Variants in PDLIM3 observed in about 807,000 individuals in gnomAD.
PDLIM3 encodes the protein PDZ and LIM domain 3, also known as PDZ and LIM domain protein 3.
A neutral mutation model predicts 37.3 loss-of-function variants in PDLIM3; 36 were observed. The ratio of observed to expected loss-of-function variants is 0.97; its 90% CI spans 0.74 to 1.28. The LOEUF is 1.28. PDLIM3 is among the 50% of genes most tolerant of loss of function. PDLIM3 has a pLI of 0.00. For synonymous variants in PDLIM3, 174 were observed against 182.4 expected, an observed-to-expected ratio of 0.95 and a Z score of 0.37; for missense variants, 454 against 485.0, an observed-to-expected ratio of 0.94 and a Z score of 0.60.
In PDLIM3 at chr4:185,514,403, C is replaced by A. The variant is rs1032408854; in HGVS notation, c.331-66G>T. 6.4e-5 allele frequency: 104 copies of A among 1,613,798 alleles called. No individual in the cohort carries two copies. The highest frequency in any genetic ancestry group is 2.5e-5 in the Non-Finnish European group (30 of 1,179,948). On this transcript the variant is annotated intron_variant, in intron 3 of 7. Transcript: ENST00000284767. This position sits in a 1 kb window ranked among gnomAD's most constrained non-coding sequence, Gnocchi z 4.0. ...GGACACTGTTGCAGATAAGATTAAA[C>A]GAACGATAGTTGTACAGGGAGGATC... is the stretch of plus-strand genomic sequence containing the variant.
At chr4:185,526,831 C>T (rs986519880) in intron 1 of PDLIM3, among the ~76,000 whole-genome samples, 4 of 152,184 alleles carry the variant, frequency 2.6e-5, no homozygotes, top group South Asian at 2.1e-4. Context: ...TTACTCTTCA[C>T]TCCTTCTCAA....
intron 6 of PDLIM3, among the ~76,000 whole-genome samples, chr4:185,505,201 G>A (rs956637623): frequency 6.6e-6 from 1 of 152,202 alleles, no homozygotes; most frequent in Non-Finnish European, 1.5e-5. Context: ...TGCGCCGTGT[G>A]TCAGAATTTA....
chr4:185,517,176 C>T (rs1173274562), intron 3 of PDLIM3: 2 of 152,052 alleles, frequency 1.3e-5, no homozygotes, highest in Admixed American at 1.3e-4. Flanking sequence ...GCATGAAAAA[C>T]TAGAAATAAT....
chr4:185,515,462 A>G (rs971406132), intron 3 of PDLIM3: 1 of 152,244 alleles, frequency 6.6e-6, no homozygotes, highest in African/African-American at 2.4e-5. Context: ...ACTTGGATTA[A>G]GCTATAATCT....
Position 185,535,482 on chromosome 4 carries a change from A to G in PDLIM3, c.-48T>C. ...GGCTCTAAGTGTCCCCGCGCAGGGC[A>G]GCCACTCCGCGCCGGGCGGCGTCCT... On this transcript the variant is annotated 5_prime_UTR_variant, in exon 1 of 8. Transcript: ENST00000284767. 6.7e-7 allele frequency: 1 copy of G among 1,488,610 alleles called. No homozygotes were observed. 92.2% of individuals were successfully genotyped at this position (1,488,610 alleles called of 1,614,324 possible). A position where few individuals can be genotyped will look rare whatever the true frequency, so the allele number is the denominator to read the frequency against.
chr4:185,532,285 A>C (rs566200039), intron 1 of PDLIM3, among the ~76,000 whole-genome samples: 64 of 152,354 alleles, frequency 4.2e-4, no homozygotes, highest in African/African-American at 1.4e-3. Context: ...TCTACTAGGC[A>C]CTGTGCTAGG....
At chr4:185,530,986 AC>A (rs2095743353) in intron 1 of PDLIM3, among the ~76,000 whole-genome samples, 1 of 5,416 alleles carries the variant, frequency 1.8e-4, no homozygotes, top group African/African-American at 8.8e-4. Context: ...ACACACACAC[AC>A]ATACACACAC....
chr4:185,529,375 T>C (rs990607631), intron 1 of PDLIM3, among the ~76,000 whole-genome samples: 2 of 152,252 alleles, frequency 1.3e-5, no homozygotes, highest in African/African-American at 2.4e-5. Context: ...GTCCTATTTA[T>C]GTGGAGACGT....
At position 185,535,406 on chromosome 4, in the gene PDLIM3, G is replaced by A. The variant is rs146768859; in HGVS notation, c.29C>T (p.Pro10Leu). The A allele has an allele frequency of 2.8e-4, 443 of 1,604,494 alleles. 4 individuals are homozygous for A. The East Asian group carries it at 9.8e-3, about 35-fold the overall frequency. Residue 10 changes from proline to leucine, a missense_variant, in exon 1 of 8, where the codon CCT becomes CTT. Transcript: ENST00000284767. MPQTVILPGPAPWGFRLSGG... is the reference protein window; with the variant it reads MPQTVILPGLAPWGFRLSGG... ...TGAGAGCCTGAAGCCCCAGGGCGCA[G>A]GGCCCGGGAGGATCACCGTCTGGGG...
chr4:185,535,223 C>CCCGT, intron 1 of PDLIM3, 119 bp downstream of exon 1: 1 of 873,396 alleles, frequency 1.1e-6, no homozygotes, highest in Non-Finnish European at 1.8e-6. Context: ...CCAGCAGCGC[C>CCCGT]CCGTCCGCCC....
chr4:185,535,163 A>C (rs965941574), intron 1 of PDLIM3, among the ~76,000 whole-genome samples, 179 bp downstream of exon 1: 1 of 152,148 alleles, frequency 6.6e-6, no homozygotes, highest in African/African-American at 2.4e-5. Flanking sequence ...CTCCGCAGCC[A>C]CTTGACGGAG....
chr4:185,524,406 A>T (rs2095729153), intron 2 of PDLIM3, among the ~76,000 whole-genome samples: 1 of 152,190 alleles, frequency 6.6e-6, no homozygotes, highest in Non-Finnish European at 1.5e-5. Context: ...AATTATTATT[A>T]TCATGGTTCA....
At chr4:185,531,229 C>T (rs1030345182) in intron 1 of PDLIM3, among the ~76,000 whole-genome samples, 1 of 152,176 alleles carries the variant, frequency 6.6e-6, no homozygotes, top group Non-Finnish European at 1.5e-5. Context: ...AGAAAAGATG[C>T]TCACTTGAAG....
rs374929208 is a variant in PDLIM3 at position 185,504,631 on chromosome 4, C to T, written c.794-45G>A. On this transcript the variant is annotated intron_variant, in intron 6 of 7. Coordinates refer to ENST00000284767, the MANE Select transcript of PDLIM3 (RefSeq NM_014476.6). This position sits in a 1 kb window ranked among gnomAD's most constrained non-coding sequence, Gnocchi z 4.7. ...CATTTATGGCTAGGGAACAGCTGGC[C>T]GCAGCCTGTGCTTGGCTTCTATTTT... 266 of 1,476,346 alleles carry T rather than the reference C, an allele frequency of 1.8e-4. 1 individual carries two copies. In the South Asian group the frequency reaches 2.7e-3, roughly 15 times the overall value. 91.5% of individuals were successfully genotyped at this position (1,476,346 alleles called of 1,614,324 possible).
At chr4:185,511,439 G>A (rs990495930) in intron 4 of PDLIM3, among the ~76,000 whole-genome samples, 19 of 151,166 alleles carry the variant, frequency 1.3e-4, no homozygotes, top group Admixed American at 2.6e-4. Flanking sequence ...TTGGCTCACC[G>A]CAACCTCTGC....
intron 4 of PDLIM3, 52 bp from the exon 5 acceptor site, chr4:185,508,614 C>A: frequency 3.1e-6 from 5 of 1,597,880 alleles, no homozygotes; most frequent in Non-Finnish European, 4.3e-6. Flanking sequence ...GCCAGACAGT[C>A]CAGACAGAAG....
At chr4:185,519,393 C>T (rs1270597248) in intron 3 of PDLIM3, among the ~76,000 whole-genome samples, 1 of 152,194 alleles carries the variant, frequency 6.6e-6, no homozygotes, top group African/African-American at 2.4e-5. Context: ...TCAAGTGATT[C>T]TCCTGCCTCA....
At chr4:185,535,147 G>A (rs1207860907) in intron 1 of PDLIM3, among the ~76,000 whole-genome samples, 195 bp downstream of exon 1, 1 of 152,174 alleles carries the variant, frequency 6.6e-6, no homozygotes, top group Non-Finnish European at 1.5e-5. Context: ...TCAAATCTCT[G>A]AGCCGCTCCG....
chr4:185,511,438 C>T (rs1453059412), intron 4 of PDLIM3, among the ~76,000 whole-genome samples: 2 of 151,766 alleles, frequency 1.3e-5, no homozygotes, highest in African/African-American at 2.4e-5. Flanking sequence ...CTTGGCTCAC[C>T]GCAACCTCTG....
Sources: gnomAD v4.1 joint callset for allele counts (sites outside exome capture counted in the v4.1 genomes callset) on GRCh38, gnomAD v4.1.1 for gene constraint, Gnocchi (gnomAD v3.1) non-coding constraint, MANE v1.5 for transcripts, NCBI Gene and HGNC (gene_info 2026-07-23, HGNC 2026-07-21) for gene names.